The following ULK2 variants were observed in gnomAD, a reference collection of about 807,000 sequenced individuals.
The protein encoded by ULK2 is unc-51 like autophagy activating kinase 2.
In ULK2, 76 loss-of-function variants were observed where a neutral mutation model predicts 127.5. The observed-to-expected ratio is 0.60, with a 90% CI of 0.50 to 0.72. The LOEUF (loss-of-function observed/expected upper bound fraction) is 0.72, where lower values mean the gene tolerates loss of function less well. ULK2 is among the 30% of genes least tolerant of loss of function. The probability of loss-of-function intolerance (pLI) is 0.00; values close to 1 mark genes in which losing one functional copy is unlikely to be tolerated. For missense variants in ULK2, 1,144 were observed against 1,295.9 expected, an observed-to-expected ratio of 0.88 and a Z score of 1.80; for synonymous variants, 452 against 461.9, an observed-to-expected ratio of 0.98 and a Z score of 0.28.
intron 5 of ULK2, among the ~76,000 whole-genome samples, chr17:19,848,572 T>C (rs1434660793): frequency 6.6e-6 from 1 of 151,854 alleles, no homozygotes. Context: ...AGGTCAGGAG[T>C]TCGAGACCAG....
At chr17:19,781,242 CT>C (rs200296663) in intron 23 of ULK2, 138 bp from the exon 24 acceptor site, 86,100 of 464,414 alleles carry the variant, frequency 0.19, 138 homozygotes, top group East Asian at 0.23. Flanking sequence ...TCTTTCTTTT[CT>C]TTTTTTTTTT....
intron 19 of ULK2, 43 bp downstream of exon 19, chr17:19,796,052 T>TAC (rs2087262253): frequency 6.4e-7 from 1 of 1,569,598 alleles, no homozygotes; most frequent in Admixed American, 1.9e-5. Context: ...GTTTTACTAT[T>TAC]ACAGTTTTCA....
Position 19,816,782 on chromosome 17 carries a change from A to G in ULK2, c.1063T>C (p.Leu355=), listed in dbSNP as rs1489887690. The G allele has an allele frequency of 6.2e-7, 1 of 1,607,340 alleles. No homozygotes were observed. The highest frequency in any genetic ancestry group is 2.2e-5 in the East Asian group (1 of 44,662). The change falls in exon 13 of 27, where the codon TTG becomes CTG. Residue 355 remains leucine (L), a synonymous_variant. Coordinates refer to ENST00000395544, the MANE Select transcript of ULK2 (RefSeq NM_014683.4). ...NSSCDTDDFV[L]VPHNISSDHS... is the part of the protein sequence containing the mutation. ...TCTGACGAGATGTTGTGTGGCACCA[A>G]AACAAAGTCATCCGTGTCACAAGAA... is the stretch of plus-strand genomic sequence containing the variant.
At chr17:19,852,116 T>G (rs1265227207) in intron 3 of ULK2, among the ~76,000 whole-genome samples, 1 of 150,826 alleles carries the variant, frequency 6.6e-6, no homozygotes, top group East Asian at 1.9e-4. Flanking sequence ...TCCCAGCGGC[T>G]TGGGAGGCTG....
intron 10 of ULK2, among the ~76,000 whole-genome samples, chr17:19,833,854 G>C (rs2152394986): frequency 6.6e-6 from 1 of 152,210 alleles, no homozygotes; most frequent in East Asian, 1.9e-4. Flanking sequence ...GCACACAATG[G>C]GAGTCTCAGA....
At chr17:19,863,181 C>T (rs1052955548) in intron 3 of ULK2, among the ~76,000 whole-genome samples, 1 of 151,698 alleles carries the variant, frequency 6.6e-6, no homozygotes, top group African/African-American at 2.4e-5. Context: ...CACCACTTCA[C>T]TCCAGCCTGG....
intron 12 of ULK2, among the ~76,000 whole-genome samples, chr17:19,822,759 T>C (rs2041186594): frequency 6.6e-6 from 1 of 152,078 alleles, no homozygotes; most frequent in Admixed American, 6.6e-5. Context: ...CGATCTTAGC[T>C]CACTGCAACC....
chr17:19,847,298 T>C (rs1269954591), intron 5 of ULK2, among the ~76,000 whole-genome samples: 1 of 152,180 alleles, frequency 6.6e-6, no homozygotes, highest in Non-Finnish European at 1.5e-5. Flanking sequence ...TAAGTGTCCA[T>C]ATTTAATTCC....
chr17:19,797,442 C>G lies in ULK2; in HGVS notation c.1763G>C (p.Trp588Ser). The change falls in exon 18 of 27, where the codon TGG becomes TCG. Residue 588 changes from tryptophan to serine, a missense_variant. This residue lies in a region of ULK2 where 913 missense variants were observed against 970.5 expected (regional missense o/e 0.94). Transcript: ENST00000395544. The part of the protein sequence containing the change: ...HLGSSPRSSD[W>S]FFKTPLPTII... ...TGTTGGCAAAGGAGTTTTAAAGAAC[C>G]AGTCAGAACTCCGTGGAGAGGACCC... 1 of 1,613,546 alleles carries G rather than the reference C, an allele frequency of 6.2e-7. No homozygotes were observed. Among genetic ancestry groups the G allele is most frequent in the African/African-American group, 1.3e-5 (1 of 74,998 alleles).
intron 25 of ULK2, among the ~76,000 whole-genome samples, chr17:19,780,191 A>C (rs1189560176): frequency 6.6e-6 from 1 of 152,066 alleles, no homozygotes; most frequent in Non-Finnish European, 1.5e-5. Flanking sequence ...AAAAAAAGAA[A>C]AAAAAAAGAT....
Position 19,771,151 on chromosome 17 carries a change from G to A in ULK2, c.*5198C>T, listed in dbSNP as rs1404669603. 2 of 152,194 alleles carry A rather than the reference G, an allele frequency of 1.3e-5. No individual in the cohort carries two copies. Among genetic ancestry groups the A allele is most frequent in the Non-Finnish European group, 2.9e-5 (2 of 68,058 alleles). The allele number at this position is 152,194 out of a possible 1,614,324, so 9.4% of individuals were successfully genotyped here. On this transcript the variant is annotated 3_prime_UTR_variant, in exon 27 of 27. Coordinates refer to ENST00000395544, the MANE Select transcript of ULK2 (RefSeq NM_014683.4). ...GGTGAGACAGTGTGGGGCTCCTGTG[G>A]GGAGATGGGTACTCCTGTACCCAGT...
rs772918717 is a variant in ULK2, at chr17:19,849,817, A to G, written c.226-43T>C. On this transcript the variant is annotated intron_variant, in intron 3 of 26. Transcript: ENST00000395544. ...TAAATATCATTTAGAGAAAAATTAA[A>G]CACAAAATTTAAAGATAATGATAGT... The G allele has an allele frequency of 3.2e-6, 4 of 1,250,084 alleles. No homozygotes were observed. In the Admixed American group the frequency reaches 7.4e-5, roughly 23 times the overall value. 77.4% of individuals were successfully genotyped at this position (1,250,084 alleles called of 1,614,324 possible). A position where few individuals can be genotyped will look rare whatever the true frequency, so the allele number is the denominator to read the frequency against.
intron 12 of ULK2, among the ~76,000 whole-genome samples, chr17:19,820,114 T>C (rs2041100646): frequency 6.6e-6 from 1 of 150,910 alleles, no homozygotes; most frequent in Non-Finnish European, 1.5e-5. Context: ...AGTGGCGTGA[T>C]CTCGGCTCAC....
intron 23 of ULK2, among the ~76,000 whole-genome samples, chr17:19,781,397 AC>A (rs2152381613): frequency 6.6e-6 from 1 of 151,888 alleles, no homozygotes; most frequent in East Asian, 1.9e-4. Context: ...ACAGGGACGC[AC>A]CACCATGCCC....
At chr17:19,814,439 T>TG (rs1491246393) in intron 13 of ULK2, among the ~76,000 whole-genome samples, 35 of 9,984 alleles carry the variant, frequency 3.5e-3, no homozygotes, top group African/African-American at 7.2e-3. Context: ...TATATATATA[T>TG]TTTTTTTTTT....
intron 7 of ULK2, 55 bp from the exon 8 acceptor site, chr17:19,843,277 G>T: frequency 1.7e-6 from 2 of 1,173,748 alleles, no homozygotes; most frequent in Non-Finnish European, 2.4e-6. Flanking sequence ...TAATTAATAT[G>T]CACATATTAA....
intron 13 of ULK2, chr17:19,816,354 C>T (rs1262631086): frequency 6.5e-6 from 1 of 152,902 alleles, no homozygotes; most frequent in African/African-American, 2.4e-5. Flanking sequence ...GAAGTTCATT[C>T]CTTAACTTAC....
intron 10 of ULK2, among the ~76,000 whole-genome samples, chr17:19,827,665 A>T (rs2041328115): frequency 6.6e-6 from 1 of 152,202 alleles, no homozygotes; most frequent in Admixed American, 6.5e-5. Flanking sequence ...TAATCCCAGC[A>T]CTTTGGGAGG....
intron 1 of ULK2, among the ~76,000 whole-genome samples, chr17:19,866,178 G>C (rs1339730089): frequency 6.6e-6 from 1 of 152,110 alleles, no homozygotes; most frequent in African/African-American, 2.4e-5. Context: ...CACCGTGCTT[G>C]AGTTCTAAAT....
Sources: gnomAD v4.1 joint callset for allele counts (sites outside exome capture counted in the v4.1 genomes callset) on GRCh38, gnomAD v4.1.1 for gene constraint, gnomAD v4.1.1 regional missense constraint, MANE v1.5 for transcripts, NCBI Gene and HGNC (gene_info 2026-07-23, HGNC 2026-07-21) for gene names.